The following CFAP184 variants were observed in gnomAD, a reference collection of about 807,000 sequenced individuals.
CFAP184 encodes cilia- and flagella-associated protein 184.
At chr4:7,042,328 C>T in the CFAP184 span, 4 of 1,603,848 alleles carry the variant, frequency 2.5e-6, no homozygotes, top group African/African-American at 4.0e-5. Flanking sequence ...AAACTCGTCC[C>T]TTCCATAGAG....
At chr4:7,041,549 G>A in the CFAP184 span, 1 of 1,614,258 alleles carries the variant, frequency 6.2e-7, no homozygotes. Flanking sequence ...ATTTCTGCCA[G>A]CTGTGTCTTT....
At chr4:7,040,999 T>C in the CFAP184 span, 3 of 387,030 alleles carry the variant, frequency 7.8e-6, no homozygotes, top group Middle Eastern at 6.9e-4. Context: ...TTGCTCAGAC[T>C]TGAGACTTTT....
At chr4:7,042,905 C>T in the CFAP184 span, 2 of 1,549,576 alleles carry the variant, frequency 1.3e-6, no homozygotes, top group Non-Finnish European at 1.7e-6. Context: ...CCTTCCCCGC[C>T]GGGGTCCTTA....
At chr4:7,041,406 C>T in the CFAP184 span, 2 of 1,614,246 alleles carry the variant, frequency 1.2e-6, no homozygotes, top group Non-Finnish European at 1.7e-6. Context: ...CCTTTTCTTC[C>T]AAGTCCCGAA....
At chr4:7,041,731 A>G in the CFAP184 span, 1 of 1,614,180 alleles carries the variant, frequency 6.2e-7, no homozygotes, top group Non-Finnish European at 8.5e-7. Context: ...AATAAGAAGC[A>G]GACCCTGGGT....
At chr4:7,041,177 G>T in the CFAP184 span, 1 of 1,485,570 alleles carries the variant, frequency 6.7e-7, no homozygotes. Context: ...CGTCCCAAAT[G>T]ACACAGGCCT....
At chr4:7,042,582 T>C in the CFAP184 span, 2 of 1,550,128 alleles carry the variant, frequency 1.3e-6, no homozygotes. Context: ...CCGCCTCTAG[T>C]TCCTCGGGCC....
the CFAP184 span, chr4:7,041,560 T>A: frequency 1.2e-6 from 2 of 1,614,266 alleles, no homozygotes; most frequent in East Asian, 2.2e-5. Context: ...CTGTGTCTTT[T>A]TGCACGCGTT....
the CFAP184 span, chr4:7,042,863 A>G: frequency 6.4e-7 from 1 of 1,571,116 alleles, no homozygotes; most frequent in Admixed American, 1.7e-5. Flanking sequence ...TTGATCTTGG[A>G]CGGCCGCGCG....
At chr4:7,041,886 G>C in the CFAP184 span, 1 of 1,611,138 alleles carries the variant, frequency 6.2e-7, no homozygotes, top group Non-Finnish European at 8.5e-7. Flanking sequence ...GAGCAGCCTG[G>C]CGCCCGCCCC....
the CFAP184 span, chr4:7,041,812 C>A: frequency 1.4e-4 from 218 of 1,610,648 alleles, no homozygotes; most frequent in Middle Eastern, 1.6e-4. Context: ...GTTCTCCAGC[C>A]GCACGGCGCT....
chr4:7,042,418 T>TCCTCCTTGTCCTCTTCCTCC, the CFAP184 span: 1 of 1,612,046 alleles, frequency 6.2e-7, no homozygotes, highest in East Asian at 2.2e-5. Context: ...TCTCTGCGTC[T>TCCTCCTTGTCCTCTTCCTCC]CCTCCTTGTC....
chr4:7,042,657 C>T, the CFAP184 span: 4 of 1,502,648 alleles, frequency 2.7e-6, no homozygotes, highest in Non-Finnish European at 3.5e-6. Flanking sequence ...CGGGCTCGGG[C>T]TGGGGCTCGG....
At chr4:7,042,285 C>T in the CFAP184 span, 2 of 1,590,790 alleles carry the variant, frequency 1.3e-6, no homozygotes, top group Non-Finnish European at 1.7e-6. Context: ...GCTCCTGCAG[C>T]TTCTGGACCT....
chr4:7,042,670 G>A, the CFAP184 span: 5 of 1,503,766 alleles, frequency 3.3e-6, no homozygotes, highest in Non-Finnish European at 4.4e-6. Context: ...GGGCTCGGCC[G>A]GCCTCCCCGG....
At chr4:7,041,056 G>T in the CFAP184 span, 2 of 537,030 alleles carry the variant, frequency 3.7e-6, no homozygotes, top group Non-Finnish European at 6.0e-6. Context: ...CCCTTTGTTT[G>T]CTTTTCTGGA....
At chr4:7,042,512 A>T in the CFAP184 span, 1 of 1,608,118 alleles carries the variant, frequency 6.2e-7, no homozygotes, top group Non-Finnish European at 8.5e-7. Context: ...AGCGGCAGAG[A>T]GGCCTGGAAC....
the CFAP184 span, chr4:7,041,459 T>G: frequency 6.2e-7 from 1 of 1,614,218 alleles, no homozygotes; most frequent in South Asian, 1.1e-5. Context: ...TGATTCAGTC[T>G]GATGTTGTCC....
chr4:7,042,290 G>C, the CFAP184 span: 3 of 1,587,272 alleles, frequency 1.9e-6, no homozygotes, highest in Middle Eastern at 1.7e-4. Flanking sequence ...TGCAGCTTCT[G>C]GACCTCCTCG....
Sources: allele counts gnomAD v4.1 joint callset, GRCh38; gene constraint gnomAD v4.1.1; transcripts MANE v1.5; gene names NCBI Gene and HGNC (gene_info 2026-07-23, HGNC 2026-07-21).